UBR1: variants seen among roughly 807,000 people sequenced by gnomAD.
The protein encoded by UBR1 is ubiquitin protein ligase E3 component n-recognin 1.
A neutral mutation model predicts 242.1 loss-of-function variants in UBR1; 102 were observed. The observed-to-expected ratio is 0.42, with a 90% CI of 0.36 to 0.50. UBR1 has a LOEUF of 0.50. UBR1 is among the 20% of genes least tolerant of loss of function. The pLI, the probability that UBR1 is intolerant of heterozygous loss-of-function variation, is 0.01. For synonymous variants in UBR1, 675 were observed against 684.8 expected (o/e 0.99, Z 0.22); for missense variants, 1,772 against 2,101.8 (o/e 0.84, Z 3.07).
chr15:42,996,521 C>T (rs1049625695), intron 33 of UBR1, among the ~76,000 whole-genome samples: 2 of 152,020 alleles, frequency 1.3e-5, no homozygotes, highest in African/African-American at 4.8e-5. Context: ...CACTTGTGCC[C>T]AGGAAGTTGA....
At chr15:43,041,903 T>C (rs997762216) in intron 15 of UBR1, among the ~76,000 whole-genome samples, 4 of 152,158 alleles carry the variant, frequency 2.6e-5, no homozygotes, top group African/African-American at 9.7e-5. Context: ...GATATACAAA[T>C]GGCCAACAAA....
Position 43,007,300 on chromosome 15 carries a change from A to T in UBR1, c.3210-16T>A, listed in dbSNP as rs371816501. 76 of 1,613,244 alleles carry T rather than the reference A, an allele frequency of 4.7e-5. No homozygotes were observed. Among genetic ancestry groups the T allele is most frequent in the Non-Finnish European group, 6.4e-5 (75 of 1,179,520 alleles). On this transcript the variant is annotated splice_polypyrimidine_tract_variant and intron_variant, in intron 29 of 46. Coordinates refer to ENST00000290650, the MANE Select transcript of UBR1 (RefSeq NM_174916.3). ...TGCTGGGGTGCTACCAAAAGAAATG[A>T]TCAGAAATGAGGACACATGTTTTGG...
At chr15:42,982,110 G>T (rs188635678) in intron 37 of UBR1, among the ~76,000 whole-genome samples, 30 of 152,194 alleles carry the variant, frequency 2.0e-4, no homozygotes, top group African/African-American at 7.0e-4. Flanking sequence ...TGGGCTTAAG[G>T]GATCCTCCCC....
intron 43 of UBR1, among the ~76,000 whole-genome samples, chr15:42,959,944 C>T (rs1290462513): frequency 6.6e-6 from 1 of 152,174 alleles, no homozygotes; most frequent in African/African-American, 2.4e-5. Flanking sequence ...AGCTGGGAGT[C>T]AATTCCTCCA....
rs534469250 is a variant in UBR1 at position 42,985,223 on chromosome 15, T to G, written c.3998-281A>C. ...TTGGGAAAAACAAAGCAGCCTGGACTGCTTCTTCTCATTTCAGCATCTTTT... is the reference window on the plus strand; with the variant it reads ...TTGGGAAAAACAAAGCAGCCTGGACGGCTTCTTCTCATTTCAGCATCTTTT... On this transcript the variant is annotated intron_variant, in intron 35 of 46. Coordinates refer to ENST00000290650, the MANE Select transcript of UBR1 (RefSeq NM_174916.3). 6.6e-5 allele frequency among the ~76,000 whole-genome samples: 10 copies of G among 152,294 alleles called. No homozygotes were observed. The South Asian group carries it at 2.1e-3, about 32-fold the overall frequency.
chr15:42,984,590 G>A (rs1443399969), intron 36 of UBR1, among the ~76,000 whole-genome samples: 1 of 152,164 alleles, frequency 6.6e-6, no homozygotes, highest in Non-Finnish European at 1.5e-5. Context: ...AAATTAGTGA[G>A]AAGGAAAAAT....
At chr15:43,069,993 T>C (rs2033805068) in intron 5 of UBR1, among the ~76,000 whole-genome samples, 1 of 152,184 alleles carries the variant, frequency 6.6e-6, no homozygotes, top group Non-Finnish European at 1.5e-5. Context: ...TTAATGTCTC[T>C]ATTGATTAGA....
intron 20 of UBR1, among the ~76,000 whole-genome samples, chr15:43,032,012 C>A (rs913791961): frequency 6.6e-6 from 1 of 151,892 alleles, no homozygotes; most frequent in East Asian, 1.9e-4. Context: ...CCGGCCTGGG[C>A]GACAGAGCAA....
At chr15:43,014,783 G>A (rs2032987666) in intron 29 of UBR1, among the ~76,000 whole-genome samples, 1 of 149,392 alleles carries the variant, frequency 6.7e-6, no homozygotes, top group Non-Finnish European at 1.5e-5. Context: ...GTCCGGGAGG[G>A]AGGTGGGGGG....
chr15:43,032,867 C>G (rs1258771804), intron 19 of UBR1, among the ~76,000 whole-genome samples: 1 of 152,078 alleles, frequency 6.6e-6, no homozygotes, highest in Non-Finnish European at 1.5e-5. Context: ...TATCATTATC[C>G]CCCACATAGT....
chr15:43,089,161 C>CAAA (rs1405616914), intron 1 of UBR1, among the ~76,000 whole-genome samples: 1 of 128,772 alleles, frequency 7.8e-6, no homozygotes, highest in Non-Finnish European at 1.7e-5. Context: ...GACTCCATTT[C>CAAA]AAAAAAAAAA....
chr15:42,957,408 G>A (rs570095772), intron 44 of UBR1, among the ~76,000 whole-genome samples: 3 of 152,222 alleles, frequency 2.0e-5, no homozygotes, highest in East Asian at 1.9e-4. Flanking sequence ...ACAAGGTGAC[G>A]AAAAAGTTTG....
chr15:42,997,217 C>A (rs754490558), intron 33 of UBR1, among the ~76,000 whole-genome samples: 1 of 152,216 alleles, frequency 6.6e-6, no homozygotes, highest in African/African-American at 2.4e-5. Context: ...AGGTTGCCCA[C>A]TCCTTATGAA....
At chr15:42,973,595 C>T (rs1244987816) in intron 39 of UBR1, among the ~76,000 whole-genome samples, 1 of 130,796 alleles carries the variant, frequency 7.6e-6, no homozygotes, top group African/African-American at 2.8e-5. Flanking sequence ...CACCCGGCCT[C>T]ATCGCTCATT....
chr15:42,972,017 C>T (rs1328232744), intron 39 of UBR1, among the ~76,000 whole-genome samples: 3 of 152,154 alleles, frequency 2.0e-5, no homozygotes, highest in Admixed American at 6.5e-5. Context: ...TACATTGCCA[C>T]ACCATTATCA....
At chr15:43,036,002 C>A (rs570160990) in intron 19 of UBR1, among the ~76,000 whole-genome samples, 176 bp downstream of exon 19, 13 of 151,912 alleles carry the variant, frequency 8.6e-5, no homozygotes, top group Admixed American at 2.6e-4. Context: ...GTGGGTGCAG[C>A]GCACCAGCAT....
intron 14 of UBR1, among the ~76,000 whole-genome samples, chr15:43,046,689 C>A (rs1476903047): frequency 6.6e-6 from 1 of 152,022 alleles, no homozygotes; most frequent in Non-Finnish European, 1.5e-5. Context: ...TAAATGAGGT[C>A]ATCATTCTTA....
At chr15:43,066,326 G>A (rs2033751753) in intron 6 of UBR1, among the ~76,000 whole-genome samples, 1 of 152,118 alleles carries the variant, frequency 6.6e-6, no homozygotes, top group Admixed American at 6.5e-5. Context: ...ATTGGTCTAT[G>A]TGTCTGCTTT....
At chr15:43,096,451 C>T (rs1490267296) in intron 1 of UBR1, among the ~76,000 whole-genome samples, 4 of 152,134 alleles carry the variant, frequency 2.6e-5, no homozygotes, top group Admixed American at 6.5e-5. Flanking sequence ...CGTGAGCCAA[C>T]GCGCCCGGCC....
Sources: gnomAD v4.1 joint callset for allele counts (sites outside exome capture counted in the v4.1 genomes callset) on GRCh38, gnomAD v4.1.1 for gene constraint, MANE v1.5 for transcripts, NCBI Gene and HGNC (gene_info 2026-07-23, HGNC 2026-07-21) for gene names.